ENTREP2: variants seen among roughly 807,000 people sequenced by gnomAD.
ENTREP2 encodes protein ENTREP2.
At chr15:29,268,705 TG>T in the ENTREP2 span, 1 of 1,375,692 alleles carries the variant, frequency 7.3e-7, no homozygotes, top group Non-Finnish European at 9.9e-7. Context: ...ATATGCTCCC[TG>T]GGTTCGTTCT....
At chr15:29,656,607 A>T in the ENTREP2 span, among the ~76,000 whole-genome samples, 2 of 152,176 alleles carry the variant, frequency 1.3e-5, no homozygotes, top group African/African-American at 4.8e-5. Flanking sequence ...GCTCAACATA[A>T]TTTACCATTA....
the ENTREP2 span, among the ~76,000 whole-genome samples, chr15:29,600,487 AT>A: frequency 7.3e-6 from 1 of 137,352 alleles, no homozygotes; most frequent in Middle Eastern, 4.2e-3. Flanking sequence ...CATCATCGTC[AT>A]CTCATCATCA....
At chr15:29,579,008 T>A in the ENTREP2 span, among the ~76,000 whole-genome samples, 3 of 152,216 alleles carry the variant, frequency 2.0e-5, no homozygotes, top group African/African-American at 7.2e-5. Flanking sequence ...AATAAGCAGT[T>A]ATTCATATGC....
the ENTREP2 span, among the ~76,000 whole-genome samples, chr15:29,441,392 T>C: frequency 1.3e-5 from 2 of 152,132 alleles, no homozygotes; most frequent in South Asian, 4.2e-4. Flanking sequence ...TGTGGATGGA[T>C]GGTGGTAGTC....
At chr15:29,589,500 G>A in the ENTREP2 span, among the ~76,000 whole-genome samples, 1 of 152,170 alleles carries the variant, frequency 6.6e-6, no homozygotes, top group African/African-American at 2.4e-5. Flanking sequence ...GCCTCTGCGT[G>A]TCTTCATTCG....
the ENTREP2 span, among the ~76,000 whole-genome samples, chr15:29,329,497 G>T: frequency 6.6e-6 from 1 of 152,162 alleles, no homozygotes; most frequent in Non-Finnish European, 1.5e-5. Context: ...GTATTTCCTT[G>T]TTTTGTCAGC....
At chr15:29,258,619 T>G in the ENTREP2 span, among the ~76,000 whole-genome samples, 3 of 152,186 alleles carry the variant, frequency 2.0e-5, no homozygotes, top group East Asian at 5.8e-4. Context: ...TTTTTATGTG[T>G]GCAGTTTAAT....
chr15:29,248,206 G>T, the ENTREP2 span, among the ~76,000 whole-genome samples: 37 of 151,976 alleles, frequency 2.4e-4, no homozygotes, highest in African/African-American at 8.2e-4. Context: ...TCAATTCATC[G>T]AGTAGACTGT....
At chr15:29,502,772 A>C in the ENTREP2 span, among the ~76,000 whole-genome samples, 2 of 152,026 alleles carry the variant, frequency 1.3e-5, no homozygotes, top group Non-Finnish European at 2.9e-5. Flanking sequence ...AACTAGGAAA[A>C]GGGCTAAGGA....
At chr15:29,554,892 C>T in the ENTREP2 span, among the ~76,000 whole-genome samples, 1 of 152,152 alleles carries the variant, frequency 6.6e-6, no homozygotes, top group Admixed American at 6.5e-5. Flanking sequence ...AACATTCTTA[C>T]ACACGTTAGC....
At chr15:29,613,276 G>C in the ENTREP2 span, 1 of 178,462 alleles carries the variant, frequency 5.6e-6, no homozygotes, top group South Asian at 1.2e-4. Flanking sequence ...CGGGTAGTGA[G>C]CACTTTTGCT....
At chr15:29,268,593 CTTTGTTTA>C in the ENTREP2 span, 2 of 503,662 alleles carry the variant, frequency 4.0e-6, no homozygotes, top group African/African-American at 3.9e-5. Flanking sequence ...ACAAATGCTC[CTTTGTTTA>C]TAGATGAAAA....
the ENTREP2 span, among the ~76,000 whole-genome samples, chr15:29,189,119 C>T: frequency 5.3e-5 from 8 of 152,226 alleles, no homozygotes; most frequent in Admixed American, 1.3e-4. Flanking sequence ...TTCAATCAAA[C>T]CCAAGTAGGG....
the ENTREP2 span, among the ~76,000 whole-genome samples, chr15:29,282,116 T>G: frequency 6.6e-6 from 1 of 152,242 alleles, no homozygotes; most frequent in Non-Finnish European, 1.5e-5. Flanking sequence ...ATGGTTTGGC[T>G]GTGTTCCCAC....
At chr15:29,274,331 G>A in the ENTREP2 span, among the ~76,000 whole-genome samples, 6 of 152,270 alleles carry the variant, frequency 3.9e-5, no homozygotes, top group Non-Finnish European at 7.4e-5. Context: ...ATTAAGTTTT[G>A]AGGCTCTATA....
At chr15:29,555,453 T>C in the ENTREP2 span, among the ~76,000 whole-genome samples, 2 of 152,154 alleles carry the variant, frequency 1.3e-5, no homozygotes, top group African/African-American at 2.4e-5. Flanking sequence ...TTAAATAAAA[T>C]AATTTGAAAG....
chr15:29,184,625 G>A, the ENTREP2 span, among the ~76,000 whole-genome samples: 11 of 152,190 alleles, frequency 7.2e-5, no homozygotes, highest in African/African-American at 2.7e-4. Flanking sequence ...TGCGGTTGGG[G>A]TGGTGGTGGA....
the ENTREP2 span, among the ~76,000 whole-genome samples, chr15:29,491,403 C>T: frequency 6.6e-6 from 1 of 152,302 alleles, no homozygotes; most frequent in Non-Finnish European, 1.5e-5. Flanking sequence ...AGTGAGCGAG[C>T]GAGCACTGCT....
the ENTREP2 span, among the ~76,000 whole-genome samples, chr15:29,597,997 C>T: frequency 1.7e-4 from 26 of 152,036 alleles, no homozygotes; most frequent in Admixed American, 9.2e-4. Context: ...TGGCATGCAC[C>T]GTGTAGTCCC....
Sources: gnomAD v4.1 joint callset for allele counts (sites outside exome capture counted in the v4.1 genomes callset) on GRCh38, gnomAD v4.1.1 for gene constraint, MANE v1.5 for transcripts, NCBI Gene and HGNC (gene_info 2026-07-23, HGNC 2026-07-21) for gene names.